PRKAR1B: variants seen among roughly 807,000 people sequenced by gnomAD.
The protein encoded by PRKAR1B is cAMP-dependent protein kinase type I-beta regulatory subunit.
Under a neutral mutation model 46.5 loss-of-function variants are expected in PRKAR1B, and 22 were observed. The ratio of observed to expected loss-of-function variants is 0.47; its 90% confidence interval spans 0.34 to 0.68. PRKAR1B has a LOEUF of 0.68. Among genes scored for constraint, PRKAR1B ranks in the 30% least tolerant of loss-of-function variants. The pLI, the probability that PRKAR1B is intolerant of heterozygous loss-of-function variation, is 0.01. For missense variants in PRKAR1B, 445 were observed against 535.6 expected (o/e 0.83, Z 1.67); for synonymous variants, 259 against 217.7 (o/e 1.19, Z -1.67).
intron 2 of PRKAR1B, among the ~76,000 whole-genome samples, chr7:685,220 TTA>T (rs1156678173): frequency 7.5e-5 from 10 of 134,030 alleles, no homozygotes; most frequent in Non-Finnish European, 1.1e-4. Flanking sequence ...ATATAACATG[TTA>T]TATATATATA....
chr7:615,356 C>T (rs1040762065), intron 4 of PRKAR1B, among the ~76,000 whole-genome samples: 26 of 150,510 alleles, frequency 1.7e-4, no homozygotes, highest in Admixed American at 4.0e-4. Context: ...ACCCGGGAAG[C>T]GGAGCTTGCA....
At chr7:553,398 G>A (rs185863592) in intron 9 of PRKAR1B, among the ~76,000 whole-genome samples, 237 of 152,328 alleles carry the variant, frequency 1.6e-3, no homozygotes, top group East Asian at 9.8e-3. Context: ...CCTAGTCCCC[G>A]GAGGCAGGGC....
At chr7:585,019 C>G (rs868843852) in intron 7 of PRKAR1B, among the ~76,000 whole-genome samples, 1 of 152,098 alleles carries the variant, frequency 6.6e-6, no homozygotes. Flanking sequence ...TGGATCCAGC[C>G]GTGCCTGAAG....
chr7:570,767 C>T (rs1454466398), intron 9 of PRKAR1B, among the ~76,000 whole-genome samples: 2 of 152,168 alleles, frequency 1.3e-5, no homozygotes, highest in East Asian at 3.9e-4. Flanking sequence ...ACCGGAGCCC[C>T]CCAGACTCAC....
At chr7:561,724 G>C (rs1778812732) in intron 9 of PRKAR1B, among the ~76,000 whole-genome samples, 1 of 152,276 alleles carries the variant, frequency 6.6e-6, no homozygotes. Context: ...CCCAAGGTCA[G>C]CTCCTGTGCC....
intron 4 of PRKAR1B, among the ~76,000 whole-genome samples, chr7:665,332 G>C (rs1286504175): frequency 6.6e-6 from 1 of 152,188 alleles, no homozygotes; most frequent in African/African-American, 2.4e-5. Context: ...TCCAAGCTGG[G>C]TGGCCCGACG....
rs942272118 is a variant in PRKAR1B, at chr7:666,667, G to C, written c.440+10562C>G. ...GTTCAGTACAGTGAGGTGGGGACAA[G>C]GTGGCCTCCTAGGGATCTTCCTGCT... is the stretch of plus-strand genomic sequence containing the variant. On this transcript the variant is annotated intron_variant, in intron 4 of 10. Coordinates refer to ENST00000537384, the MANE Select transcript of PRKAR1B (RefSeq NM_001164760.2). The surrounding 1 kb of genome is among the most constrained non-coding windows in gnomAD (Gnocchi z 4.9). Among the ~76,000 whole-genome samples, 2 of 152,210 alleles carry C rather than the reference G, an allele frequency of 1.3e-5. No homozygotes were observed. Among genetic ancestry groups the C allele is most frequent in the African/African-American group, 4.8e-5 (2 of 41,456 alleles).
intron 9 of PRKAR1B, among the ~76,000 whole-genome samples, chr7:568,194 C>A (rs1354837513): frequency 7.9e-5 from 12 of 152,154 alleles, no homozygotes; most frequent in Non-Finnish European, 1.8e-4. Flanking sequence ...GCCCCCCGTG[C>A]CGCTAAGCAC....
chr7:725,474 C>T (rs1334106583), intron 1 of PRKAR1B, among the ~76,000 whole-genome samples: 1 of 152,206 alleles, frequency 6.6e-6, no homozygotes, highest in Non-Finnish European at 1.5e-5. Flanking sequence ...GCGCCTCTGT[C>T]TCCACTCAAG....
chr7:576,471 C>A (rs1025095799), intron 9 of PRKAR1B, among the ~76,000 whole-genome samples: 3 of 152,204 alleles, frequency 2.0e-5, no homozygotes, highest in Non-Finnish European at 4.4e-5. Flanking sequence ...AATGTCCGTG[C>A]AGCCTGCTGT....
intron 2 of PRKAR1B, among the ~76,000 whole-genome samples, chr7:705,387 A>C (rs1199274238): frequency 4.6e-5 from 7 of 151,996 alleles, no homozygotes; most frequent in Non-Finnish European, 1.0e-4. Flanking sequence ...AACGTTTTTT[A>C]AAACTGACAG....
chr7:674,770 C>G (rs1215254300), intron 4 of PRKAR1B, among the ~76,000 whole-genome samples: 2 of 152,240 alleles, frequency 1.3e-5, no homozygotes, highest in Non-Finnish European at 2.9e-5. Flanking sequence ...CCATCCTCAG[C>G]TACTCTAACC....
chr7:584,461 C>T (rs1780483888), intron 8 of PRKAR1B, 47 bp downstream of exon 8: 2 of 1,566,466 alleles, frequency 1.3e-6, no homozygotes, highest in Non-Finnish European at 1.8e-6. Flanking sequence ...GGCCAGCAGG[C>T]GCCCAGATGT....
At position 578,888 on chromosome 7, in the gene PRKAR1B, G is replaced by C. The variant is rs192270561; in HGVS notation, c.891+368C>G. 9.4e-5 allele frequency: 43 copies of C among 459,804 alleles called. 2 individuals carry two copies. The Admixed American group carries it at 1.9e-3, about 21-fold the overall frequency. 28.5% of individuals were successfully genotyped at this position (459,804 alleles called of 1,614,324 possible). On this transcript the variant is annotated intron_variant, in intron 9 of 10. Transcript: ENST00000537384. ...GTAGAGACGGGGTTTCACCATGTTG[G>C]CCAGGCTGGTCTCGAACTCCTGACC...
intron 9 of PRKAR1B, among the ~76,000 whole-genome samples, chr7:558,918 G>A (rs1304126561): frequency 2.6e-5 from 4 of 152,144 alleles, no homozygotes; most frequent in Non-Finnish European, 4.4e-5. Context: ...GGGGGCAGAC[G>A]GGGAGACAGG....
chr7:720,820 A>G (rs977040625), intron 1 of PRKAR1B, among the ~76,000 whole-genome samples: 1 of 152,142 alleles, frequency 6.6e-6, no homozygotes, highest in African/African-American at 2.4e-5. Flanking sequence ...TTTACTTTCA[A>G]TGTGCCTATG....
Position 711,525 on chromosome 7 carries a change from T to C in PRKAR1B, c.-20A>G. 1 of 1,610,986 alleles carries C rather than the reference T, an allele frequency of 6.2e-7. No individual in the cohort carries two copies. Among genetic ancestry groups the C allele is most frequent in the South Asian group, 1.1e-5 (1 of 90,954 alleles). The stretch of plus-strand genomic sequence containing the variant: ...GGCCATGGCGAGGGTGGCTGCTTCC[T>C]TCCTGTCCAGAAAACACACAGATCC... On this transcript the variant is annotated splice_region_variant and 5_prime_UTR_variant, in exon 2 of 11. Transcript: ENST00000537384.
chr7:665,011 C>T (rs1785826887), intron 4 of PRKAR1B, among the ~76,000 whole-genome samples: 1 of 151,914 alleles, frequency 6.6e-6, no homozygotes, highest in East Asian at 1.9e-4. Context: ...GTAAGAAAGA[C>T]CTGAGGTTCT....
At chr7:679,168 G>C (rs1420506109) in intron 3 of PRKAR1B, among the ~76,000 whole-genome samples, 1 of 152,196 alleles carries the variant, frequency 6.6e-6, no homozygotes, top group African/African-American at 2.4e-5. Flanking sequence ...CGTGCACCTT[G>C]CAGTTCCCTG....
Sources: allele counts gnomAD v4.1 joint callset (sites outside exome capture counted in the v4.1 genomes callset), GRCh38; gene constraint gnomAD v4.1.1; non-coding constraint Gnocchi (gnomAD v3.1); transcripts MANE v1.5; gene names NCBI Gene and HGNC (gene_info 2026-07-23, HGNC 2026-07-21).